MARCHF5: variants seen among roughly 807,000 people sequenced by gnomAD.
The protein encoded by MARCHF5 is E3 ubiquitin-protein ligase MARCHF5.
Under a neutral mutation model 36.5 loss-of-function variants are expected in MARCHF5, and 5 were observed. The ratio of observed to expected loss-of-function variants is 0.14; its 90% confidence interval spans 0.07 to 0.29. The LOEUF (loss-of-function observed/expected upper bound fraction) is 0.29, where lower values mean the gene tolerates loss of function less well. MARCHF5 is among the 10% of genes least tolerant of loss of function. The probability of loss-of-function intolerance (pLI) is 1.00; values close to 1 mark genes in which losing one functional copy is unlikely to be tolerated. For missense variants in MARCHF5, 179 were observed against 336.3 expected (o/e 0.53, Z 3.66); for synonymous variants, 103 against 109.9 (o/e 0.94, Z 0.39).
At chr10:92,298,023 C>G (rs899416227) in intron 1 of MARCHF5, among the ~76,000 whole-genome samples, 1 of 152,098 alleles carries the variant, frequency 6.6e-6, no homozygotes, top group Non-Finnish European at 1.5e-5. Context: ...CATGGCGAAT[C>G]CCCATCTCTA....
chr10:92,310,419 G>T (rs956903893), intron 1 of MARCHF5, among the ~76,000 whole-genome samples: 2 of 152,172 alleles, frequency 1.3e-5, no homozygotes, highest in East Asian at 1.9e-4. Context: ...ACCCTTAAAA[G>T]CAAAGTGGGA....
At chr10:92,348,404 G>A (rs1217019080) in intron 3 of MARCHF5, among the ~76,000 whole-genome samples, 6 of 151,870 alleles carry the variant, frequency 4.0e-5, no homozygotes, top group African/African-American at 1.2e-4. Context: ...CAGAAGAATC[G>A]CTTGAATCCA....
intron 2 of MARCHF5, 23 bp downstream of exon 2, chr10:92,311,360 C>T (rs1269398314): frequency 2.0e-6 from 3 of 1,470,872 alleles, no homozygotes; most frequent in South Asian, 1.2e-5. Context: ...TTAAAAACAA[C>T]ACAGATATAG....
rs1480210585 is a variant in MARCHF5, at chr10:92,319,626, ATTTTGTGTGTTTGTT to A, written c.238+8296_238+8310del. On this transcript the variant is annotated intron_variant, in intron 2 of 5. Coordinates refer to ENST00000358935, the MANE Select transcript of MARCHF5 (RefSeq NM_017824.5). ...TACTTTTTATCATTACTTTTAAAAA[ATTTTGTGTGTTTGTT>A]TTTTGTTTTTTTGTTTTTTGTTTTT... 2.8e-5 allele frequency among the ~76,000 whole-genome samples: 4 copies of A among 144,278 alleles called. No individual in the cohort carries two copies. In the Admixed American group the frequency reaches 2.8e-4, roughly 10 times the overall value. The allele number at this position is 144,278 out of a possible 152,430, so 94.7% of individuals were successfully genotyped here. A position where few individuals can be genotyped will look rare whatever the true frequency, so the allele number is the denominator to read the frequency against.
At chr10:92,316,021 T>C (rs151261266) in intron 2 of MARCHF5, among the ~76,000 whole-genome samples, 66 of 152,266 alleles carry the variant, frequency 4.3e-4, no homozygotes, top group African/African-American at 1.6e-3. Context: ...GTAGACCAAA[T>C]AGATTGCCAG....
intron 1 of MARCHF5, among the ~76,000 whole-genome samples, chr10:92,292,287 C>T (rs777610026): frequency 1.3e-5 from 2 of 151,994 alleles, no homozygotes; most frequent in Non-Finnish European, 2.9e-5. Flanking sequence ...AATTCTGGTC[C>T]GTGGGTCCTA....
chr10:92,330,090 G>A (rs544743342), intron 2 of MARCHF5, among the ~76,000 whole-genome samples: 3 of 152,228 alleles, frequency 2.0e-5, no homozygotes, highest in Non-Finnish European at 4.4e-5. Context: ...TGATTCACCC[G>A]CCTTGGCCTC....
chr10:92,336,373 T>C (rs1843502287), intron 2 of MARCHF5, among the ~76,000 whole-genome samples: 1 of 152,152 alleles, frequency 6.6e-6, no homozygotes, highest in Admixed American at 6.6e-5. Context: ...CAGCAAACCT[T>C]TCTGTAAAGA....
At chr10:92,312,172 G>A (rs1358447609) in intron 2 of MARCHF5, among the ~76,000 whole-genome samples, 1 of 152,052 alleles carries the variant, frequency 6.6e-6, no homozygotes, top group Non-Finnish European at 1.5e-5. Context: ...AGGAAAAATT[G>A]GAAATAATTA....
At chr10:92,346,680 A>G (rs555093062) in intron 3 of MARCHF5, among the ~76,000 whole-genome samples, 1 of 151,570 alleles carries the variant, frequency 6.6e-6, no homozygotes, top group South Asian at 2.1e-4. Flanking sequence ...ACGGGGTTCC[A>G]CCATGTTGGT....
intron 5 of MARCHF5, 122 bp from the exon 6 acceptor site, chr10:92,350,969 G>A: frequency 1.6e-6 from 1 of 621,978 alleles, no homozygotes; most frequent in Non-Finnish European, 2.9e-6. Context: ...TGTTTCATTT[G>A]CAGTCATCTG....
intron 1 of MARCHF5, among the ~76,000 whole-genome samples, chr10:92,298,782 C>CGG (rs1310311273): frequency 3.9e-5 from 6 of 152,236 alleles, no homozygotes; most frequent in African/African-American, 7.2e-5. Context: ...AGGCTGGTCT[C>CGG]AAACTCCTGA....
At chr10:92,324,746 C>T (rs1843334773) in intron 2 of MARCHF5, among the ~76,000 whole-genome samples, 1 of 152,152 alleles carries the variant, frequency 6.6e-6, no homozygotes. Context: ...TTCTTTGACT[C>T]ACTGATTATT....
intron 2 of MARCHF5, among the ~76,000 whole-genome samples, chr10:92,335,248 ATGTTG>A (rs1404171070): frequency 1.3e-5 from 2 of 152,200 alleles, no homozygotes; most frequent in Non-Finnish European, 1.5e-5. Flanking sequence ...AATCTAATAA[ATGTTG>A]CTTTTTTCCT....
At chr10:92,336,796 T>G (rs1843507160) in intron 2 of MARCHF5, among the ~76,000 whole-genome samples, 1 of 151,980 alleles carries the variant, frequency 6.6e-6, no homozygotes, top group African/African-American at 2.4e-5. Context: ...CAAAGGAGAC[T>G]GAAAATTGAG....
rs58664499 is a variant in MARCHF5 at position 92,347,523 on chromosome 10, T to TAGATGGATGATAGATA, written c.370-1826_370-1825insAGATGGATGATAGATA. Among the ~76,000 whole-genome samples, 3 of 86,928 alleles carry TAGATGGATGATAGATA rather than the reference T, an allele frequency of 3.5e-5. No individual in the cohort carries two copies. The Admixed American group carries it at 3.7e-4, about 11-fold the overall frequency. The allele number at this position is 86,928 out of a possible 152,430, so 57.0% of individuals were successfully genotyped here. A position where few individuals can be genotyped will look rare whatever the true frequency, so the allele number is the denominator to read the frequency against. On this transcript the variant is annotated intron_variant, in intron 3 of 5. Transcript: ENST00000358935. ...ATAGATAGATAGATAGATAGATAGATGATAGATATATAGATAGATAGATAG... is the reference window on the plus strand; with the variant it reads ...ATAGATAGATAGATAGATAGATAGATAGATGGATGATAGATAGATAGATATATAGATAGATAGATAG...
intron 1 of MARCHF5, among the ~76,000 whole-genome samples, chr10:92,300,326 AAAAG>A (rs538688223): frequency 5.9e-4 from 89 of 151,942 alleles, no homozygotes; most frequent in African/African-American, 1.7e-3. Context: ...CTTAAAAAAA[AAAAG>A]AAAGAAAGAA....
Position 92,291,528 on chromosome 10 carries a change from A to G in MARCHF5, c.34A>G (p.Arg12Gly). The G allele has an allele frequency of 6.5e-7, 1 of 1,543,762 alleles. No individual in the cohort carries two copies. The change falls in exon 1 of 6, where the codon AGA (arginine) becomes GGA (glycine). Residue 12 changes from arginine to glycine, a missense_variant and splice_region_variant. Arg to Gly is a moderately radical substitution (Grantham distance 125, BLOSUM62 -2). Around this residue, in one of 3 missense-constraint regions of MARCHF5, gnomAD observed 18 missense variants for 16.3 expected, o/e 1.11. Transcript: ENST00000358935. ...PDQALQQMLD[R>G]SCWVCFATDE... ...CCAAGCCCTACAGCAGATGCTGGAC[A>G]GGTACGGGCAGCTGTGGGGGGGACC...
intron 1 of MARCHF5, among the ~76,000 whole-genome samples, chr10:92,309,000 C>T (rs567468546): frequency 2.0e-5 from 3 of 152,226 alleles, no homozygotes; most frequent in East Asian, 3.9e-4. Context: ...CCACGGCACC[C>T]GGCCAAGTGC....
Sources: allele counts gnomAD v4.1 joint callset (sites outside exome capture counted in the v4.1 genomes callset), GRCh38; gene constraint gnomAD v4.1.1; regional missense constraint gnomAD v4.1.1; transcripts MANE v1.5; gene names NCBI Gene and HGNC (gene_info 2026-07-23, HGNC 2026-07-21).